Variants in CADPS observed in about 807,000 individuals in gnomAD.
CADPS encodes the protein calcium-dependent secretion activator 1.
CADPS carries 57 observed loss-of-function variants against 167.3 expected under a neutral mutation model. That is an observed-to-expected ratio of 0.34 (90% CI 0.28 to 0.42). The LOEUF (loss-of-function observed/expected upper bound fraction) is 0.42. Among genes scored for constraint, CADPS ranks in the 20% least tolerant of loss-of-function variants. The probability of loss-of-function intolerance (pLI) is 1.00; values close to 1 mark genes in which losing one functional copy is unlikely to be tolerated. For missense variants in CADPS, 1,414 were observed against 1,738.1 expected (o/e 0.81, Z 3.32); for synonymous variants, 676 against 635.3 (o/e 1.06, Z -0.96).
intron 1 of CADPS, among the ~76,000 whole-genome samples, chr3:62,791,259 G>A (rs974794345): frequency 2.6e-5 from 4 of 152,142 alleles, no homozygotes; most frequent in Non-Finnish European, 5.9e-5. Flanking sequence ...CAATATGGTA[G>A]ACAATAGCTA....
chr3:62,870,350 AC>A (rs1316929929), intron 1 of CADPS, among the ~76,000 whole-genome samples: 2 of 152,158 alleles, frequency 1.3e-5, no homozygotes, highest in Non-Finnish European at 2.9e-5. Context: ...ATCTGAGTAG[AC>A]AACTTTATTA....
At chr3:62,732,355 G>T (rs1158022304) in intron 3 of CADPS, among the ~76,000 whole-genome samples, 1 of 152,206 alleles carries the variant, frequency 6.6e-6, no homozygotes, top group Non-Finnish European at 1.5e-5. Context: ...GAAGACCTCA[G>T]TCCAACAGCC....
rs755966171 is a variant in CADPS at position 62,445,805 on chromosome 3, G to A, written c.3637-8C>T. On this transcript the variant is annotated splice_polypyrimidine_tract_variant and splice_region_variant and intron_variant, in intron 26 of 29. Transcript: ENST00000383710. ...TTTGGAAGCTGCCTTCACCTAAAGAGGAAAGAAGAGGATGGAAGTGAGGCT... is the reference window on the plus strand; with the variant it reads ...TTTGGAAGCTGCCTTCACCTAAAGAAGAAAGAAGAGGATGGAAGTGAGGCT... 2 of 1,506,360 alleles carry A rather than the reference G, an allele frequency of 1.3e-6. No homozygotes were observed. The highest frequency in any genetic ancestry group is 2.8e-5 in the South Asian group (2 of 72,326). 93.3% of individuals were successfully genotyped at this position (1,506,360 alleles called of 1,614,324 possible).
intron 8 of CADPS, among the ~76,000 whole-genome samples, chr3:62,576,134 C>T (rs767524705): frequency 2.6e-5 from 4 of 152,158 alleles, no homozygotes; most frequent in Non-Finnish European, 5.9e-5. Flanking sequence ...TTTGTGTGGG[C>T]ATTAGTGGCC....
chr3:62,604,970 T>TC (rs1437919269), intron 6 of CADPS, among the ~76,000 whole-genome samples: 1 of 152,234 alleles, frequency 6.6e-6, no homozygotes, highest in Non-Finnish European at 1.5e-5. Context: ...ACTGGGTGTT[T>TC]CCCTATAATT....
intron 11 of CADPS, 30 bp downstream of exon 11, chr3:62,549,873 C>G (rs767691335): frequency 6.5e-7 from 1 of 1,549,544 alleles, no homozygotes. Flanking sequence ...CTCTACAGAG[C>G]TATTTTTGTA....
intron 3 of CADPS, among the ~76,000 whole-genome samples, chr3:62,752,088 A>C (rs2082834757): frequency 6.6e-6 from 1 of 152,180 alleles, no homozygotes; most frequent in Non-Finnish European, 1.5e-5. Flanking sequence ...AATCTTGCTT[A>C]TAACTCAGGT....
At chr3:62,815,690 T>G (rs145115628) in intron 1 of CADPS, among the ~76,000 whole-genome samples, 1 of 152,248 alleles carries the variant, frequency 6.6e-6, no homozygotes, top group East Asian at 1.9e-4. Flanking sequence ...TCTACCTTTT[T>G]GAGTTTCTAA....
intron 1 of CADPS, among the ~76,000 whole-genome samples, chr3:62,803,222 A>C (rs1296407427): frequency 1.3e-5 from 2 of 152,148 alleles, no homozygotes; most frequent in Non-Finnish European, 2.9e-5. Context: ...GGAAGGAGAG[A>C]AGCCTTGATC....
At chr3:62,451,633 G>T (rs1438784052) in intron 26 of CADPS, among the ~76,000 whole-genome samples, 1 of 151,980 alleles carries the variant, frequency 6.6e-6, no homozygotes, top group Non-Finnish European at 1.5e-5. Flanking sequence ...AAACAATCAA[G>T]GAAATGATTT....
intron 3 of CADPS, among the ~76,000 whole-genome samples, chr3:62,750,443 G>C (rs971726078): frequency 3.3e-5 from 5 of 150,538 alleles, no homozygotes; most frequent in African/African-American, 1.2e-4. Context: ...CTCGGAAATG[G>C]CAAAGATTAT....
Position 62,753,798 on chromosome 3 carries a change from G to T in CADPS, c.556-25C>A. ...CCTGAGCAAGAACAAGGCCAGGAAA[G>T]ACAGTAGGAGAGTTTACCACAGAGG... On this transcript the variant is annotated intron_variant, in intron 2 of 29. Coordinates refer to ENST00000383710, the MANE Select transcript of CADPS (RefSeq NM_003716.4). The surrounding 1 kb of genome is among the most constrained non-coding windows in gnomAD (Gnocchi z 4.6). The T allele has an allele frequency of 6.3e-7, 1 of 1,589,060 alleles. No homozygotes were observed. The highest frequency in any genetic ancestry group is 8.6e-7 in the Non-Finnish European group (1 of 1,165,518).
intron 3 of CADPS, among the ~76,000 whole-genome samples, chr3:62,731,208 G>T (rs371557713): frequency 6.6e-6 from 1 of 152,168 alleles, no homozygotes; most frequent in South Asian, 2.1e-4. Flanking sequence ...GTTGTGATGA[G>T]AATTGTGAAG....
At chr3:62,815,484 A>T (rs2094571921) in intron 1 of CADPS, among the ~76,000 whole-genome samples, 1 of 152,050 alleles carries the variant, frequency 6.6e-6, no homozygotes, top group Non-Finnish European at 1.5e-5. Context: ...GACAGATAAC[A>T]TTCTGTTCCT....
At chr3:62,834,036 A>G (rs902257057) in intron 1 of CADPS, among the ~76,000 whole-genome samples, 1 of 152,192 alleles carries the variant, frequency 6.6e-6, no homozygotes, top group Non-Finnish European at 1.5e-5. Context: ...GCTGTTTTGC[A>G]CATTTGTATT....
chr3:62,494,354 GGAA>G (rs1306399441), intron 18 of CADPS, among the ~76,000 whole-genome samples: 1 of 152,124 alleles, frequency 6.6e-6, no homozygotes, highest in Non-Finnish European at 1.5e-5. Context: ...TCTAAACCCT[GGAA>G]CTTGCTGGAT....
chr3:62,636,518 T>C (rs1175864577), intron 6 of CADPS, among the ~76,000 whole-genome samples: 4 of 152,118 alleles, frequency 2.6e-5, no homozygotes, highest in Admixed American at 6.5e-5. Context: ...GCTCTAGAAA[T>C]TTCCAAACCC....
chr3:62,620,535 ACAACC>A, intron 6 of CADPS, among the ~76,000 whole-genome samples: 1 of 152,174 alleles, frequency 6.6e-6, no homozygotes, highest in Non-Finnish European at 1.5e-5. Context: ...AATTGCCACA[ACAACC>A]TTATAGAGCA....
chr3:62,705,240 T>C (rs1458049956), intron 3 of CADPS, among the ~76,000 whole-genome samples: 1 of 152,116 alleles, frequency 6.6e-6, no homozygotes, highest in Non-Finnish European at 1.5e-5. Context: ...CATTTGAGAT[T>C]CTTCTCTCCC....
Sources: gnomAD v4.1 joint callset for allele counts (sites outside exome capture counted in the v4.1 genomes callset) on GRCh38, gnomAD v4.1.1 for gene constraint, Gnocchi (gnomAD v3.1) non-coding constraint, MANE v1.5 for transcripts, NCBI Gene and HGNC (gene_info 2026-07-23, HGNC 2026-07-21) for gene names.